The following TWIST2 variants were observed in gnomAD, a reference collection of about 807,000 sequenced individuals.
TWIST2 encodes twist-related protein 2.
A neutral mutation model predicts 11.6 loss-of-function variants in TWIST2; 1 was observed. That is an observed-to-expected ratio of 0.09 (90% CI 0.03 to 0.41). TWIST2 has a LOEUF of 0.41. Among genes scored for constraint, TWIST2 ranks in the 10% least tolerant of loss-of-function variants. The pLI is 0.98. For missense variants in TWIST2, 168 were observed against 226.4 expected, an observed-to-expected ratio of 0.74 and a Z score of 1.66; for synonymous variants, 87 against 96.6, an observed-to-expected ratio of 0.90 and a Z score of 0.58.
At chr2:238,898,529 G>A (rs938572506) in intron 1 of TWIST2, among the ~76,000 whole-genome samples, 4 of 152,290 alleles carry the variant, frequency 2.6e-5, no homozygotes, top group Admixed American at 2.0e-4. Context: ...TATTGGATTG[G>A]TACAAAAGGG....
chr2:238,906,333 TACAC>T lies in TWIST2; in HGVS notation c.*36-3500_*36-3497del, dbSNP rs1225807758. Among the ~76,000 whole-genome samples the T allele has an allele frequency of 9.7e-3, 1,410 of 144,782 alleles. 21 individuals are homozygous for T. Among genetic ancestry groups the T allele is most frequent in the African/African-American group, 0.027 (1,031 of 38,580 alleles). 95.0% of individuals were successfully genotyped at this position (144,782 alleles called of 152,430 possible). On this transcript the variant is annotated intron_variant, in intron 1 of 1. Coordinates refer to ENST00000612363, the MANE Select transcript of TWIST2 (RefSeq NM_001271893.4). ...ACCCACTCAGGAGGATGTACATGCTTACACACACACACTGACACACGGACCCACT... is the reference window on the plus strand; with the variant it reads ...ACCCACTCAGGAGGATGTACATGCTTACACACACTGACACACGGACCCACT...
intron 1 of TWIST2, among the ~76,000 whole-genome samples, chr2:238,905,926 CGTGTGCGCGTGT>C (rs1266655953): frequency 2.2e-4 from 23 of 103,844 alleles, no homozygotes; most frequent in East Asian, 7.7e-4. Flanking sequence ...TGCAGGTGTG[CGTGTGCGCGTGT>C]GTGTGCGCGC....
rs138714031 is a variant in TWIST2, at chr2:238,872,201, C to G, written c.*35+23468C>G. Among the ~76,000 whole-genome samples, 22 of 152,236 alleles carry G rather than the reference C, an allele frequency of 1.4e-4. No individual in the cohort carries two copies. The East Asian group carries it at 2.9e-3, about 20-fold the overall frequency. On this transcript the variant is annotated intron_variant, in intron 1 of 1. Transcript: ENST00000612363. ...ACTAGCAGTCCCTGGCCAAGAGTCC[C>G]GGGCCACTTTATGCCCTCAGACTTG...
chr2:238,905,919 AGG>A lies in TWIST2; in HGVS notation c.*36-3922_*36-3921del, dbSNP rs1491386806. Among the ~76,000 whole-genome samples the A allele has an allele frequency of 1.3e-4, 14 of 110,090 alleles. No individual in the cohort carries two copies. In the East Asian group the frequency reaches 3.7e-3, roughly 29 times the overall value. The allele number at this position is 110,090 out of a possible 152,430, so 72.2% of individuals were successfully genotyped here. ...CGCGTGTGTGCGTGTGTGTGCGTGC[AGG>A]TGTGCGTGTGCGCGTGTGTGTGCGC... On this transcript the variant is annotated intron_variant, in intron 1 of 1. Transcript: ENST00000612363.
In TWIST2 at chr2:238,863,794, C is replaced by T. The variant is rs1692476366; in HGVS notation, c.*35+15061C>T. Among the ~76,000 whole-genome samples, 1 of 152,004 alleles carries T rather than the reference C, an allele frequency of 6.6e-6. No homozygotes were observed. Among genetic ancestry groups the T allele is most frequent in the Non-Finnish European group, 1.5e-5 (1 of 68,018 alleles). Reference sequence around the variant, plus strand: ...TCTTAGCTACTAGAGACGTTTTATTCACTTTTTACCAGGATCAAAAATGAA... The same window carrying T: ...TCTTAGCTACTAGAGACGTTTTATTTACTTTTTACCAGGATCAAAAATGAA... On this transcript the variant is annotated intron_variant, in intron 1 of 1. Transcript: ENST00000612363. The surrounding 1 kb of genome is among the most constrained non-coding windows in gnomAD (Gnocchi z 4.7).
chr2:238,878,886 G>A (rs1692855380), intron 1 of TWIST2, among the ~76,000 whole-genome samples: 1 of 152,124 alleles, frequency 6.6e-6, no homozygotes. Flanking sequence ...TTCCTCTAAT[G>A]TTTCTTTAAA....
intron 1 of TWIST2, among the ~76,000 whole-genome samples, chr2:238,853,505 A>G (rs1469437565): frequency 6.6e-6 from 1 of 151,950 alleles, no homozygotes; most frequent in Non-Finnish European, 1.5e-5. Context: ...GCCCAGTTAT[A>G]GTTATTTTTA....
chr2:238,856,071 G>A (rs1692323748), intron 1 of TWIST2, among the ~76,000 whole-genome samples: 1 of 152,144 alleles, frequency 6.6e-6, no homozygotes, highest in Non-Finnish European at 1.5e-5. Flanking sequence ...GGGGCCGTGC[G>A]GTGGCTGTGG....
rs1454150482 is a variant in TWIST2 at position 238,894,175 on chromosome 2, C to A, written c.*36-15667C>A. Reference sequence around the variant, plus strand: ...AGGGGAGAATAAAGTTGGCCTCAGTCTGGAGAATCTGCCTCTGAAGCCCCC... The same window carrying A: ...AGGGGAGAATAAAGTTGGCCTCAGTATGGAGAATCTGCCTCTGAAGCCCCC... On this transcript the variant is annotated intron_variant, in intron 1 of 1. Coordinates refer to ENST00000612363, the MANE Select transcript of TWIST2 (RefSeq NM_001271893.4). Among the ~76,000 whole-genome samples, 10 of 152,334 alleles carry A rather than the reference C, an allele frequency of 6.6e-5. No homozygotes were observed. The East Asian group carries it at 9.7e-4, about 15-fold the overall frequency.
intron 1 of TWIST2, among the ~76,000 whole-genome samples, chr2:238,904,327 T>A (rs1231589850): frequency 1.6e-5 from 2 of 127,700 alleles, no homozygotes; most frequent in Non-Finnish European, 3.4e-5. Context: ...TGTGTGTGTG[T>A]GATATGGGAT....
chr2:238,862,115 A>C (rs545992226), intron 1 of TWIST2, among the ~76,000 whole-genome samples: 1 of 152,250 alleles, frequency 6.6e-6, no homozygotes, highest in African/African-American at 2.4e-5. Context: ...AGTGTCTTAC[A>C]GGTGGCAGTG....
intron 1 of TWIST2, among the ~76,000 whole-genome samples, chr2:238,854,593 T>A (rs1475277216): frequency 6.6e-6 from 1 of 152,218 alleles, no homozygotes; most frequent in Admixed American, 6.5e-5. Context: ...CCTTTTGCTC[T>A]CTTCCCCGTG....
chr2:238,851,176 C>G (rs1692234707), intron 1 of TWIST2, among the ~76,000 whole-genome samples: 2 of 152,208 alleles, frequency 1.3e-5, no homozygotes, highest in Non-Finnish European at 2.9e-5. Context: ...GTGAAGAAAA[C>G]TGTCAAGACT....
intron 1 of TWIST2, among the ~76,000 whole-genome samples, chr2:238,851,676 C>T (rs1271274139): frequency 1.3e-5 from 2 of 152,094 alleles, no homozygotes; most frequent in African/African-American, 4.8e-5. Context: ...ATTTACTTCT[C>T]ATAGGTGTTT....
At chr2:238,876,559 G>C (rs1692808387) in intron 1 of TWIST2, among the ~76,000 whole-genome samples, 2 of 152,246 alleles carry the variant, frequency 1.3e-5, no homozygotes. Context: ...CAGAGCATCT[G>C]TCATGGTATC....
rs968396914 is a variant in TWIST2 at position 238,867,986 on chromosome 2, C to T, written c.*35+19253C>T. Among the ~76,000 whole-genome samples the T allele has an allele frequency of 1.2e-4, 18 of 152,238 alleles. No homozygotes were observed. The highest frequency in any genetic ancestry group is 2.6e-4 in the Admixed American group (4 of 15,298). On this transcript the variant is annotated intron_variant, in intron 1 of 1. Transcript: ENST00000612363. The surrounding 1 kb of genome is among the most constrained non-coding windows in gnomAD (Gnocchi z 4.8). Reference sequence around the variant, plus strand: ...CCACCCTCCTGCATGTAGTGAGGCTCGGGAAACGTGGAACGAAAGAAAGAT... The same window carrying T: ...CCACCCTCCTGCATGTAGTGAGGCTTGGGAAACGTGGAACGAAAGAAAGAT...
intron 1 of TWIST2, among the ~76,000 whole-genome samples, chr2:238,890,720 C>A (rs556548763): frequency 6.6e-6 from 1 of 152,120 alleles, no homozygotes; most frequent in South Asian, 2.1e-4. Context: ...TGAGTAATCA[C>A]GACTATATTT....
intron 1 of TWIST2, among the ~76,000 whole-genome samples, chr2:238,900,721 G>A (rs1007113856): frequency 1.3e-5 from 2 of 152,166 alleles, no homozygotes; most frequent in South Asian, 2.1e-4. Context: ...CTGAGTGGGG[G>A]TGGTGAGCTT....
intron 1 of TWIST2, among the ~76,000 whole-genome samples, chr2:238,909,254 G>A (rs1693412988): frequency 7.6e-6 from 1 of 132,364 alleles, no homozygotes; most frequent in African/African-American, 2.8e-5. Flanking sequence ...GAAACTGGGT[G>A]AAAGGCACAT....
Sources: gnomAD v4.1 joint callset for allele counts (sites outside exome capture counted in the v4.1 genomes callset) on GRCh38, gnomAD v4.1.1 for gene constraint, Gnocchi (gnomAD v3.1) non-coding constraint, MANE v1.5 for transcripts, NCBI Gene and HGNC (gene_info 2026-07-23, HGNC 2026-07-21) for gene names.